CYREN: variants seen among roughly 807,000 people sequenced by gnomAD.
CYREN encodes the protein cell cycle regulator of non-homologous end joining.
CYREN carries 7 observed loss-of-function variants against 9.7 expected under a neutral mutation model. That is an observed-to-expected ratio of 0.72 (90% confidence interval 0.41 to 1.36). CYREN has a LOEUF of 1.36. Among genes scored for constraint, CYREN ranks in the 40% most tolerant of loss-of-function variants. The pLI is 0.01. For missense variants in CYREN, 215 were observed against 198.1 expected (o/e 1.09, Z -0.51); for synonymous variants, 76 against 77.9 (o/e 0.98, Z 0.13).
chr7:135,148,481 G>A (rs3735000), intron 2 of CYREN, among the ~76,000 whole-genome samples: 73,800 of 151,990 alleles, frequency 0.49, 18,281 homozygotes, highest in South Asian at 0.66. Context: ...TCCACTCTTC[G>A]GCATCAACAT....
intron 2 of CYREN, among the ~76,000 whole-genome samples, chr7:135,149,702 GT>G (rs1280113253): frequency 6.6e-6 from 1 of 152,198 alleles, no homozygotes; most frequent in Non-Finnish European, 1.5e-5. Context: ...TTTACCTACA[GT>G]GTTGATAGGG....
At chr7:135,167,526 C>G in intron 3 of CYREN, 2 of 1,423,204 alleles carry the variant, frequency 1.4e-6, no homozygotes, top group Non-Finnish European at 9.1e-7. Context: ...CCCTCCCAGG[C>G]TTCTAGCCTC....
chr7:135,133,597 C>G (rs1268764427), intron 2 of CYREN, among the ~76,000 whole-genome samples: 1 of 152,080 alleles, frequency 6.6e-6, no homozygotes, highest in Admixed American at 6.6e-5. Flanking sequence ...GGAACTGAGG[C>G]AAAAACCAAG....
intron 2 of CYREN, among the ~76,000 whole-genome samples, chr7:135,130,602 ATTAAT>A (rs994875796): frequency 2.4e-4 from 36 of 151,890 alleles, no homozygotes; most frequent in Admixed American, 5.9e-4. Flanking sequence ...TTAATAATAT[ATTAAT>A]TTAATATAAT....
chr7:135,128,335 AAAC>A (rs1330891998), intron 2 of CYREN: 2 of 314,888 alleles, frequency 6.4e-6, no homozygotes, highest in African/African-American at 2.2e-5. Context: ...AAAAAAAACA[AAAC>A]AACAAGGCAT....
downstream of CYREN, chr7:135,164,932 T>C (rs756322177): frequency 9.3e-6 from 15 of 1,613,766 alleles, no homozygotes; most frequent in South Asian, 1.6e-4. Context: ...CTCATCCTCT[T>C]GCTTATAGCC....
chr7:135,138,050 TAAC>T (rs1331018304), intron 2 of CYREN, among the ~76,000 whole-genome samples: 3 of 151,900 alleles, frequency 2.0e-5, no homozygotes, highest in African/African-American at 7.3e-5. Flanking sequence ...CATCAGACCA[TAAC>T]AACCGCTGAC....
intron 2 of CYREN, among the ~76,000 whole-genome samples, chr7:135,126,692 C>A (rs1034367566): frequency 6.6e-6 from 1 of 152,012 alleles, no homozygotes; most frequent in Non-Finnish European, 1.5e-5. Context: ...TGCAACAGAA[C>A]GGAGACCTCA....
At chr7:135,096,382 AGAAG>A (rs1450257556) in intron 2 of CYREN, among the ~76,000 whole-genome samples, 2 of 147,040 alleles carry the variant, frequency 1.4e-5, no homozygotes, top group African/African-American at 5.0e-5. Context: ...AGACAGACAG[AGAAG>A]GAAGGAAGGG....
intron 3 of CYREN, chr7:135,167,295 G>T (rs543563926): frequency 9.3e-7 from 1 of 1,071,320 alleles, no homozygotes; most frequent in Non-Finnish European, 1.1e-6. Context: ...GTAAACTGTA[G>T]AATGCTGTGC....
intron 2 of CYREN, among the ~76,000 whole-genome samples, chr7:135,159,345 A>G (rs1450384868): frequency 6.6e-6 from 1 of 152,270 alleles, no homozygotes; most frequent in Non-Finnish European, 1.5e-5. Flanking sequence ...ATTTAGAATT[A>G]AATGATACAA....
At chr7:135,136,410 G>A (rs1031676626) in intron 2 of CYREN, among the ~76,000 whole-genome samples, 1 of 152,066 alleles carries the variant, frequency 6.6e-6, no homozygotes, top group African/African-American at 2.4e-5. Flanking sequence ...TTAATGTCTG[G>A]TGGGAAATAG....
Position 135,124,674 on chromosome 7 carries a change from AG to A in CYREN, n.357-30093del, listed in dbSNP as rs1330129068. Among the ~76,000 whole-genome samples, 6 of 152,366 alleles carry A rather than the reference AG, an allele frequency of 3.9e-5. No homozygotes were observed. The South Asian group carries it at 8.3e-4, about 21-fold the overall frequency. On this transcript the variant is annotated intron_variant and non_coding_transcript_variant, in intron 2 of 2. Coordinates refer to the CYREN transcript ENST00000459937. ...TAAAACAGTCCTCAACAAATGCAAA[AG>A]AACTGAAATCATAGCAAACAGTCTC...
intron 2 of CYREN, among the ~76,000 whole-genome samples, chr7:135,106,038 G>A (rs182981538): frequency 2.6e-4 from 40 of 152,120 alleles, no homozygotes; most frequent in African/African-American, 9.4e-4. Flanking sequence ...CTCTCGGTTA[G>A]GCTGTTGTTG....
intron 2 of CYREN, among the ~76,000 whole-genome samples, chr7:135,106,309 T>G (rs966205705): frequency 6.6e-5 from 10 of 152,198 alleles, no homozygotes; most frequent in African/African-American, 2.4e-4. Flanking sequence ...TGTGCCAGTA[T>G]TTAAGGGGAA....
chr7:135,117,932 G>A lies in CYREN; in HGVS notation n.357-23350C>T, dbSNP rs1360375665. 2.0e-5 allele frequency among the ~76,000 whole-genome samples: 3 copies of A among 152,192 alleles called. 1 individual carries two copies. Among genetic ancestry groups the A allele is most frequent in the South Asian group, 4.1e-4 (2 of 4,830 alleles). The stretch of plus-strand genomic sequence containing the variant: ...TACTTTGGAATTGGAATGAGAGATA[G>A]TGGATCAGTCTTGCACATGAAACTG... On this transcript the variant is annotated intron_variant and non_coding_transcript_variant, in intron 2 of 2. Transcript: ENST00000459937.
chr7:135,108,862 A>G (rs1482766149), intron 2 of CYREN, among the ~76,000 whole-genome samples: 2 of 152,134 alleles, frequency 1.3e-5, no homozygotes, highest in African/African-American at 4.8e-5. Flanking sequence ...CATGTTTCTC[A>G]GAGGTTTTGT....
chr7:135,144,839 GGGA>G (rs1829513978), intron 2 of CYREN, among the ~76,000 whole-genome samples: 1 of 150,170 alleles, frequency 6.7e-6, no homozygotes, highest in South Asian at 2.1e-4. Flanking sequence ...AGGCTGAGGT[GGGA>G]GGATCACCTG....
chr7:135,149,349 C>T (rs1291737419), intron 2 of CYREN, among the ~76,000 whole-genome samples: 1 of 152,100 alleles, frequency 6.6e-6, no homozygotes, highest in Non-Finnish European at 1.5e-5. Flanking sequence ...TGGATGTAGT[C>T]ACACTATGTA....
Sources: allele counts gnomAD v4.1 joint callset (sites outside exome capture counted in the v4.1 genomes callset), GRCh38; gene constraint gnomAD v4.1.1; transcripts MANE v1.5; gene names NCBI Gene and HGNC (gene_info 2026-07-23, HGNC 2026-07-21).